The following ADAMTSL1 variants were observed in gnomAD, a reference collection of about 807,000 sequenced individuals.
ADAMTSL1 encodes the protein ADAMTS-like protein 1.
ADAMTSL1 carries 126 observed loss-of-function variants against 201.8 expected under a neutral mutation model. The ratio of observed to expected loss-of-function variants is 0.62; its 90% CI spans 0.54 to 0.72. The LOEUF (loss-of-function observed/expected upper bound fraction) is 0.72, where lower values mean the gene tolerates loss of function less well. ADAMTSL1 is among the 30% of genes least tolerant of loss of function. ADAMTSL1 has a pLI of 0.00. For missense variants in ADAMTSL1, 2,679 were observed against 2,277.8 expected, an observed-to-expected ratio of 1.18 and a Z score of -3.59; for synonymous variants, 1,121 against 903.4, an observed-to-expected ratio of 1.24 and a Z score of -4.32.
chr9:18,840,294 TC>T (rs1307437656), intron 23 of ADAMTSL1, among the ~76,000 whole-genome samples: 1 of 152,080 alleles, frequency 6.6e-6, no homozygotes, highest in Non-Finnish European at 1.5e-5. Context: ...AAATAGGGAA[TC>T]CTTTCCCCAT....
chr9:18,410,869 G>A (rs1485034218), intron 2 of ADAMTSL1, among the ~76,000 whole-genome samples: 2 of 143,198 alleles, frequency 1.4e-5, no homozygotes, highest in African/African-American at 2.6e-5. Flanking sequence ...TTTAGACACA[G>A]TCTTGCTCTG....
intron 2 of ADAMTSL1, among the ~76,000 whole-genome samples, chr9:18,293,564 A>T (rs1833358508): frequency 6.6e-6 from 1 of 152,224 alleles, no homozygotes; most frequent in Admixed American, 6.5e-5. Context: ...ATAAAGAGTG[A>T]AAAAAGATGA....
At chr9:18,788,336 G>A (rs1821822280) in intron 19 of ADAMTSL1, among the ~76,000 whole-genome samples, 2 of 152,154 alleles carry the variant, frequency 1.3e-5, no homozygotes, top group Admixed American at 6.5e-5. Flanking sequence ...TTTAGTGATT[G>A]TCTATTTCCC....
At chr9:18,722,495 G>A (rs1475320945) in intron 15 of ADAMTSL1, among the ~76,000 whole-genome samples, 1 of 152,204 alleles carries the variant, frequency 6.6e-6, no homozygotes, top group Non-Finnish European at 1.5e-5. Flanking sequence ...TGTCATGTAA[G>A]AAGTAGTTAA....
chr9:18,600,389 A>C (rs1824562862), intron 4 of ADAMTSL1, among the ~76,000 whole-genome samples: 1 of 152,174 alleles, frequency 6.6e-6, no homozygotes, highest in African/African-American at 2.4e-5. Context: ...GTAACTTGTG[A>C]GTGACTGAAT....
chr9:18,316,026 G>T (rs368697146), intron 2 of ADAMTSL1, among the ~76,000 whole-genome samples: 4 of 152,180 alleles, frequency 2.6e-5, no homozygotes, highest in Non-Finnish European at 5.9e-5. Context: ...AAAGCTGGGC[G>T]TCGGGGGAGA....
intron 1 of ADAMTSL1, among the ~76,000 whole-genome samples, chr9:18,158,477 C>T (rs995489934): frequency 1.3e-5 from 2 of 151,826 alleles, no homozygotes. Context: ...TGAATCCCAT[C>T]CCCACCTTGA....
At chr9:18,842,864 CT>C (rs1192679363) in intron 23 of ADAMTSL1, among the ~76,000 whole-genome samples, 1 of 151,546 alleles carries the variant, frequency 6.6e-6, no homozygotes, top group East Asian at 1.9e-4. Context: ...CAACCCCTGC[CT>C]TTTTTGTTTT....
intron 13 of ADAMTSL1, among the ~76,000 whole-genome samples, chr9:18,701,265 G>T (rs1831907706): frequency 7.0e-6 from 1 of 142,946 alleles, no homozygotes; most frequent in African/African-American, 2.6e-5. Flanking sequence ...CACCCAGCAG[G>T]CTGGAATACA....
chr9:18,328,269 T>A (rs1021694991), intron 2 of ADAMTSL1, among the ~76,000 whole-genome samples: 5 of 152,216 alleles, frequency 3.3e-5, no homozygotes, highest in African/African-American at 9.6e-5. Flanking sequence ...GCAGTTCTTA[T>A]TATATGTATG....
intron 2 of ADAMTSL1, among the ~76,000 whole-genome samples, chr9:18,328,968 C>CA: frequency 6.6e-6 from 1 of 152,108 alleles, no homozygotes; most frequent in South Asian, 2.1e-4. Flanking sequence ...AAAGCTTTTT[C>CA]AAAAAACAAC....
rs754015188 is a variant in ADAMTSL1 at position 18,636,008 on chromosome 9, G to A, written c.667G>A (p.Asp223Asn). ...TATTCGCCTTGTCTTAAAAGGTCCT[G>A]ATCACTTATGTAAGTAACTCCATTG... ...RHIRLVLKGP[D>N]HLYLETKTLQ... Residue 223 changes from aspartate (D) to asparagine (N), a missense_variant, in exon 6 of 29, where the codon GAT (aspartate) becomes AAT (asparagine). Asp to Asn is a conservative substitution (Grantham distance 23). Transcript: ENST00000380548. 2 of 1,594,590 alleles carry A rather than the reference G, an allele frequency of 1.3e-6. No homozygotes were observed. The highest frequency in any genetic ancestry group is 1.9e-5 in the Admixed American group (1 of 53,614).
intron 2 of ADAMTSL1, among the ~76,000 whole-genome samples, chr9:18,228,844 T>C (rs528793086): frequency 1.1e-5 from 1 of 91,022 alleles, no homozygotes; most frequent in South Asian, 3.3e-4. Context: ...GTTTTTTTGT[T>C]TTTTTTTTTT....
At chr9:18,503,419 G>GTATATATATATATATATATA (rs1206500089) in intron 1 of ADAMTSL1, among the ~76,000 whole-genome samples, 11 of 58,260 alleles carry the variant, frequency 1.9e-4, no homozygotes, top group African/African-American at 5.7e-4. Flanking sequence ...GTATTCCATT[G>GTATATATATATATATATATA]TGTATATATA....
intron 2 of ADAMTSL1, among the ~76,000 whole-genome samples, chr9:18,193,805 AGACT>A (rs139300269): frequency 0.012 from 1,897 of 152,230 alleles, 55 homozygotes; most frequent in African/African-American, 0.044. Flanking sequence ...TTTGGGGCAA[AGACT>A]GACTGCCCTT....
chr9:18,508,424 A>G (rs1273495888), intron 2 of ADAMTSL1, among the ~76,000 whole-genome samples: 1 of 152,220 alleles, frequency 6.6e-6, no homozygotes, highest in Non-Finnish European at 1.5e-5. Context: ...ATTTCATTTT[A>G]GATGATTTAT....
At position 18,521,710 on chromosome 9, in the gene ADAMTSL1, A is replaced by G. The variant is rs150916439; in HGVS notation, c.192-11537A>G. ...CCCCTCAAAATAATGCTTTTACATAAACAAGTTTCATTGTAATTTTTGTTT... is the reference window on the plus strand; with the variant it reads ...CCCCTCAAAATAATGCTTTTACATAGACAAGTTTCATTGTAATTTTTGTTT... On this transcript the variant is annotated intron_variant, in intron 2 of 28. Coordinates refer to ENST00000380548, the MANE Select transcript of ADAMTSL1 (RefSeq NM_001040272.6). 1.4e-3 allele frequency among the ~76,000 whole-genome samples: 207 copies of G among 152,290 alleles called. 1 individual carries two copies. The highest frequency in any genetic ancestry group is 4.7e-3 in the African/African-American group (194 of 41,572).
chr9:18,258,343 T>C (rs930390658), intron 2 of ADAMTSL1, among the ~76,000 whole-genome samples: 2 of 152,116 alleles, frequency 1.3e-5, no homozygotes, highest in African/African-American at 2.4e-5. Context: ...CGAGGAATTA[T>C]CTGAAATAAA....
chr9:18,116,376 C>A (rs1825249465), intron 1 of ADAMTSL1, among the ~76,000 whole-genome samples: 1 of 152,126 alleles, frequency 6.6e-6, no homozygotes, highest in Non-Finnish European at 1.5e-5. Flanking sequence ...AAACACACAC[C>A]TTTGAGAACA....
Sources: allele counts gnomAD v4.1 joint callset (sites outside exome capture counted in the v4.1 genomes callset), GRCh38; gene constraint gnomAD v4.1.1; transcripts MANE v1.5; gene names NCBI Gene and HGNC (gene_info 2026-07-23, HGNC 2026-07-21).